Variants in NTM observed in about 807,000 individuals in gnomAD.
NTM encodes IgLON family member 2.
In NTM, 13 loss-of-function variants were observed where a neutral mutation model predicts 42.1. The observed-to-expected ratio is 0.31, with a 90% CI of 0.20 to 0.49. The LOEUF is 0.49. Among genes scored for constraint, NTM ranks in the 20% least tolerant of loss-of-function variants. The pLI, the probability that NTM is intolerant of heterozygous loss-of-function variation, is 0.99. For synonymous variants in NTM, 187 were observed against 179.2 expected (o/e 1.04, Z -0.35); for missense variants, 373 against 452.8 (o/e 0.82, Z 1.60).
intron 1 of NTM, among the ~76,000 whole-genome samples, chr11:131,403,410 C>G (rs1945462419): frequency 6.6e-6 from 1 of 152,148 alleles, no homozygotes; most frequent in Non-Finnish European, 1.5e-5. Flanking sequence ...CTCTTTCCTT[C>G]TATTGTATTT....
At chr11:132,116,956 C>T (rs1280545745) in intron 2 of NTM, among the ~76,000 whole-genome samples, 2 of 152,184 alleles carry the variant, frequency 1.3e-5, no homozygotes, top group Admixed American at 6.5e-5. Context: ...AACTATCCAT[C>T]GAGGACAACA....
chr11:131,825,774 G>A (rs2136467556), intron 1 of NTM, among the ~76,000 whole-genome samples: 1 of 152,244 alleles, frequency 6.6e-6, no homozygotes, highest in East Asian at 1.9e-4. Context: ...GTAGGGTACA[G>A]GATGACAACT....
intron 1 of NTM, among the ~76,000 whole-genome samples, chr11:131,550,153 T>TTAC (rs1184592391): frequency 6.6e-6 from 1 of 152,240 alleles, no homozygotes; most frequent in Non-Finnish European, 1.5e-5. Context: ...CATTAAATGT[T>TTAC]TACTATGTGC....
At position 132,002,811 on chromosome 11, in the gene NTM, A is replaced by G. The variant is rs1039457575; in HGVS notation, c.167+91163A>G. On this transcript the variant is annotated intron_variant, in intron 2 of 8. Transcript: ENST00000683400. The surrounding 1 kb of genome is among the most constrained non-coding windows in gnomAD (Gnocchi z 4.5). ...GTGGAGGAAATCATAGTAACGATTT[A>G]TTAAAGTTGAAGATTGAGTTTTATA... 1.3e-5 allele frequency among the ~76,000 whole-genome samples: 2 copies of G among 152,194 alleles called. No homozygotes were observed. The highest frequency in any genetic ancestry group is 2.9e-5 in the Non-Finnish European group (2 of 68,046).
At chr11:132,300,888 A>G (rs2094818942) in intron 4 of NTM, among the ~76,000 whole-genome samples, 1 of 151,984 alleles carries the variant, frequency 6.6e-6, no homozygotes, top group Non-Finnish European at 1.5e-5. Context: ...TGCCACTTGG[A>G]GTGGGGCTGT....
chr11:131,765,514 T>C (rs2084961303), intron 1 of NTM, among the ~76,000 whole-genome samples: 2 of 152,118 alleles, frequency 1.3e-5, no homozygotes, highest in African/African-American at 4.8e-5. Context: ...TCTAGGAAAA[T>C]TCCCCTCAAA....
intron 1 of NTM, among the ~76,000 whole-genome samples, chr11:131,742,726 A>T (rs1450541960): frequency 2.6e-5 from 4 of 152,250 alleles, no homozygotes; most frequent in Non-Finnish European, 4.4e-5. Flanking sequence ...TTATTAAATA[A>T]CCAATGTAAA....
intron 1 of NTM, among the ~76,000 whole-genome samples, chr11:131,587,459 A>T (rs2058975937): frequency 6.7e-6 from 1 of 149,420 alleles, no homozygotes; most frequent in Middle Eastern, 3.5e-3. Context: ...AAAAAAAAAA[A>T]TAGGCCTTAC....
At chr11:131,741,107 G>A (rs2081123990) in intron 1 of NTM, among the ~76,000 whole-genome samples, 1 of 151,790 alleles carries the variant, frequency 6.6e-6, no homozygotes, top group Admixed American at 6.6e-5. Flanking sequence ...GGAGGCTGCA[G>A]TGAGAAGAGA....
At chr11:131,937,815 A>C (rs1183357723) in intron 2 of NTM, among the ~76,000 whole-genome samples, 1 of 152,202 alleles carries the variant, frequency 6.6e-6, no homozygotes, top group Non-Finnish European at 1.5e-5. Flanking sequence ...GGAGGTATGG[A>C]TTAATGTTAT....
At chr11:131,591,668 C>T (rs958046383) in intron 1 of NTM, among the ~76,000 whole-genome samples, 4 of 152,174 alleles carry the variant, frequency 2.6e-5, no homozygotes, top group Non-Finnish European at 5.9e-5. Context: ...TGTCTTTCAC[C>T]AGGTAGATAG....
In NTM at chr11:132,146,761, G is replaced by C; in HGVS notation, c.400+247G>C. 2.2e-6 allele frequency: 1 copy of C among 449,600 alleles called. No individual in the cohort carries two copies. The highest frequency in any genetic ancestry group is 3.9e-6 in the Non-Finnish European group (1 of 257,096). 27.9% of individuals were successfully genotyped at this position (449,600 alleles called of 1,614,324 possible). On this transcript the variant is annotated intron_variant, in intron 3 of 8. Transcript: ENST00000683400. This position sits in a 1 kb window ranked among gnomAD's most constrained non-coding sequence, Gnocchi z 4.5. ...ATATATTTTCTCAGGAAATTATCTTGTAATTATTGCTCTTCTTGGCTTTTT... is the reference window on the plus strand; with the variant it reads ...ATATATTTTCTCAGGAAATTATCTTCTAATTATTGCTCTTCTTGGCTTTTT...
At chr11:131,712,172 T>C (rs868365303) in intron 1 of NTM, among the ~76,000 whole-genome samples, 1 of 134,330 alleles carries the variant, frequency 7.4e-6, no homozygotes, top group Non-Finnish European at 1.6e-5. Context: ...AATTAAAAAA[T>C]TAAAAAAAAA....
intron 1 of NTM, among the ~76,000 whole-genome samples, chr11:131,771,888 A>G (rs1470458582): frequency 6.6e-6 from 1 of 152,198 alleles, no homozygotes; most frequent in Non-Finnish European, 1.5e-5. Flanking sequence ...GAAACATGAC[A>G]AGCTGAATTG....
intron 1 of NTM, among the ~76,000 whole-genome samples, chr11:131,670,347 C>T (rs1198621696): frequency 2.0e-5 from 3 of 151,754 alleles, no homozygotes; most frequent in Admixed American, 1.3e-4. Flanking sequence ...CTTTCTCTCC[C>T]TCTCTCTCTT....
chr11:131,685,648 GAC>G (rs2073769205), intron 1 of NTM, among the ~76,000 whole-genome samples: 1 of 151,958 alleles, frequency 6.6e-6, no homozygotes, highest in South Asian at 2.1e-4. Context: ...TATTTCAGTA[GAC>G]ACAGAGCCAC....
intron 2 of NTM, among the ~76,000 whole-genome samples, chr11:132,031,857 G>A (rs757820543): frequency 2.1e-4 from 32 of 152,144 alleles, no homozygotes; most frequent in Non-Finnish European, 4.3e-4. Flanking sequence ...ATGTGTGAAA[G>A]TCTTTAAATC....
chr11:131,709,308 C>G (rs1363644594), intron 1 of NTM, among the ~76,000 whole-genome samples: 2 of 152,122 alleles, frequency 1.3e-5, no homozygotes, highest in Non-Finnish European at 2.9e-5. Context: ...CGAAATAACT[C>G]ATGTTTTAAA....
intron 8 of NTM, among the ~76,000 whole-genome samples, chr11:132,331,455 G>A (rs1257899168): frequency 6.6e-6 from 1 of 152,200 alleles, no homozygotes; most frequent in East Asian, 1.9e-4. Context: ...GTAAGGCAGA[G>A]GGCAAGGTAT....
Sources: allele counts gnomAD v4.1 joint callset (sites outside exome capture counted in the v4.1 genomes callset), GRCh38; gene constraint gnomAD v4.1.1; non-coding constraint Gnocchi (gnomAD v3.1); transcripts MANE v1.5; gene names NCBI Gene and HGNC (gene_info 2026-07-23, HGNC 2026-07-21).